Variants in BCKDHB observed in about 807,000 individuals in gnomAD.
BCKDHB encodes 2-oxoisovalerate dehydrogenase subunit beta, mitochondrial.
In BCKDHB, 41 loss-of-function variants were observed where a neutral mutation model predicts 48.5. The observed-to-expected ratio is 0.85, with a 90% CI of 0.66 to 1.10. The LOEUF is 1.10. Among genes scored for constraint, BCKDHB ranks in the 50% least tolerant of loss-of-function variants. The pLI is 0.00. For missense variants in BCKDHB, 496 were observed against 494.2 expected, an observed-to-expected ratio of 1.00 and a Z score of -0.03; for synonymous variants, 201 against 174.8, an observed-to-expected ratio of 1.15 and a Z score of -1.18.
chr6:80,343,351 A>G (rs1451803820), intron 9 of BCKDHB, among the ~76,000 whole-genome samples: 1 of 152,228 alleles, frequency 6.6e-6, no homozygotes, highest in African/African-American at 2.4e-5. Flanking sequence ...ACTACTGTGA[A>G]CATTTGTTGC....
the BCKDHB span, among the ~76,000 whole-genome samples, chr6:80,456,330 G>A: frequency 6.6e-6 from 1 of 152,026 alleles, no homozygotes; most frequent in Non-Finnish European, 1.5e-5. Context: ...AAGAACAATT[G>A]CAACAACAAA....
At chr6:80,188,460 A>AC (rs1366899886) in intron 6 of BCKDHB, among the ~76,000 whole-genome samples, 1 of 151,748 alleles carries the variant, frequency 6.6e-6, no homozygotes, top group African/African-American at 2.4e-5. Context: ...ACATGGTGAG[A>AC]CCCCCGTCTC....
At chr6:80,225,964 A>G (rs991310263) in intron 8 of BCKDHB, among the ~76,000 whole-genome samples, 1 of 152,216 alleles carries the variant, frequency 6.6e-6, no homozygotes, top group African/African-American at 2.4e-5. Flanking sequence ...ATGCTCTCAG[A>G]TATTTACCAA....
At chr6:80,342,029 T>C (rs971460028) in intron 9 of BCKDHB, among the ~76,000 whole-genome samples, 2 of 152,168 alleles carry the variant, frequency 1.3e-5, no homozygotes, top group Non-Finnish European at 2.9e-5. Flanking sequence ...CAACACTTAT[T>C]TGGTGTTTGA....
At chr6:80,426,624 G>A in the BCKDHB span, among the ~76,000 whole-genome samples, 1 of 151,746 alleles carries the variant, frequency 6.6e-6, no homozygotes, top group African/African-American at 2.4e-5. Context: ...AAAGATGTGG[G>A]GATTAAAAAA....
At chr6:80,418,819 C>T in the BCKDHB span, among the ~76,000 whole-genome samples, 2 of 151,900 alleles carry the variant, frequency 1.3e-5, no homozygotes, top group Non-Finnish European at 2.9e-5. Flanking sequence ...TAGTGGGTGC[C>T]GGGGTTCCTG....
intron 5 of BCKDHB, among the ~76,000 whole-genome samples, chr6:80,170,505 G>T (rs1000464349): frequency 6.6e-6 from 1 of 152,168 alleles, no homozygotes; most frequent in Non-Finnish European, 1.5e-5. Context: ...AGCAAGTCGT[G>T]TGACCTTAGG....
In BCKDHB at chr6:80,169,807, C is replaced by T. The variant is rs377609373; in HGVS notation, c.633+777C>T. ...CTTTTTTTCTTATTTGTTTTTTCTA[C>T]CAGATCAAAGTTATAAGCTTATCTT... On this transcript the variant is annotated intron_variant, in intron 5 of 9. Coordinates refer to ENST00000320393, the MANE Select transcript of BCKDHB (RefSeq NM_183050.4). 24 of 1,604,022 alleles carry T rather than the reference C, an allele frequency of 1.5e-5. 1 individual carries two copies. The African/African-American group carries it at 1.9e-4, about 13-fold the overall frequency.
intron 6 of BCKDHB, among the ~76,000 whole-genome samples, chr6:80,190,118 C>T (rs1773824366): frequency 6.6e-6 from 1 of 152,060 alleles, no homozygotes; most frequent in African/African-American, 2.4e-5. Flanking sequence ...GTATAGATCA[C>T]ACCTGCTTTA....
At chr6:80,199,314 G>A (rs9448909) in intron 6 of BCKDHB, among the ~76,000 whole-genome samples, 55,142 of 151,946 alleles carry the variant, frequency 0.36, 11,947 homozygotes, top group East Asian at 0.56. Flanking sequence ...ACTTCTGGAC[G>A]GTGGAGTTGG....
Position 80,132,158 on chromosome 6 carries a change from C to G in BCKDHB, c.343+2929C>G, listed in dbSNP as rs549221244. On this transcript the variant is annotated intron_variant, in intron 3 of 9. Transcript: ENST00000320393. ...TCCTTTGCACTTGCTATCTGGGTCTCTCTACCCTGTCTGATTACCTGGTAG... is the reference window on the plus strand; with the variant it reads ...TCCTTTGCACTTGCTATCTGGGTCTGTCTACCCTGTCTGATTACCTGGTAG... Among the ~76,000 whole-genome samples the G allele has an allele frequency of 8.5e-5, 13 of 152,128 alleles. No individual in the cohort carries two copies. The South Asian group carries it at 2.7e-3, about 32-fold the overall frequency.
chr6:80,112,783 T>C (rs1769479049), intron 1 of BCKDHB, among the ~76,000 whole-genome samples: 1 of 152,198 alleles, frequency 6.6e-6, no homozygotes, highest in Non-Finnish European at 1.5e-5. Flanking sequence ...TGGGATCCAA[T>C]CTTAGAGTGT....
At chr6:80,278,228 A>C (rs140718593) in intron 9 of BCKDHB, among the ~76,000 whole-genome samples, 1 of 152,210 alleles carries the variant, frequency 6.6e-6, no homozygotes, top group African/African-American at 2.4e-5. Flanking sequence ...GCAACAGATA[A>C]AACAATCAGG....
At chr6:80,407,421 G>A in the BCKDHB span, among the ~76,000 whole-genome samples, 17 of 152,112 alleles carry the variant, frequency 1.1e-4, no homozygotes, top group African/African-American at 3.6e-4. Flanking sequence ...GATGGGGATG[G>A]CATTGAATCT....
intron 6 of BCKDHB, among the ~76,000 whole-genome samples, chr6:80,183,447 TA>T (rs1215252883): frequency 2.0e-5 from 3 of 152,196 alleles, no homozygotes; most frequent in Non-Finnish European, 2.9e-5. Flanking sequence ...AGTTATTTTT[TA>T]AGAGCAATTT....
At chr6:80,381,959 G>A in the BCKDHB span, among the ~76,000 whole-genome samples, 536 of 152,016 alleles carry the variant, frequency 3.5e-3, 6 homozygotes, top group African/African-American at 0.012. Flanking sequence ...TTTTCTACAT[G>A]TCATTTGTTA....
intron 9 of BCKDHB, among the ~76,000 whole-genome samples, chr6:80,336,741 C>T (rs751881254): frequency 5.9e-5 from 9 of 151,940 alleles, no homozygotes; most frequent in Middle Eastern, 3.2e-3. Context: ...CTGTCTTACT[C>T]ATTGGTTCAA....
intron 6 of BCKDHB, among the ~76,000 whole-genome samples, chr6:80,174,884 C>G (rs1656227519): frequency 6.6e-6 from 1 of 152,048 alleles, no homozygotes. Context: ...TTTACAAAAT[C>G]TATGCATTTA....
chr6:80,398,098 A>G, the BCKDHB span, among the ~76,000 whole-genome samples: 3 of 152,156 alleles, frequency 2.0e-5, no homozygotes, highest in Admixed American at 1.3e-4. Flanking sequence ...AGAAAACTTT[A>G]TAGCACTAAA....
Sources: gnomAD v4.1 joint callset for allele counts (sites outside exome capture counted in the v4.1 genomes callset) on GRCh38, gnomAD v4.1.1 for gene constraint, MANE v1.5 for transcripts, NCBI Gene and HGNC (gene_info 2026-07-23, HGNC 2026-07-21) for gene names.